Variants in PTPRD observed in about 807,000 individuals in gnomAD.
PTPRD encodes protein tyrosine phosphatase receptor type D.
A neutral mutation model predicts 214.5 loss-of-function variants in PTPRD; 34 were observed. The ratio of observed to expected loss-of-function variants is 0.16; its 90% CI spans 0.12 to 0.21. PTPRD has a LOEUF of 0.21. PTPRD is among the 10% of genes least tolerant of loss of function. PTPRD has a pLI of 1.00. For missense variants in PTPRD, 2,545 were observed against 2,398.7 expected (o/e 1.06, Z -1.27); for synonymous variants, 1,128 against 845.7 (o/e 1.33, Z -5.79).
At chr9:9,880,433 T>A (rs564964123) in intron 5 of PTPRD, among the ~76,000 whole-genome samples, 1 of 152,320 alleles carries the variant, frequency 6.6e-6, no homozygotes, top group South Asian at 2.1e-4. Flanking sequence ...ATTTACTTTT[T>A]TAGAATTTCA....
chr9:8,984,210 T>A (rs1216702507), intron 11 of PTPRD, among the ~76,000 whole-genome samples: 1 of 152,088 alleles, frequency 6.6e-6, no homozygotes, highest in Non-Finnish European at 1.5e-5. Context: ...ACAGTTTTTA[T>A]TAAAGTTAAA....
intron 8 of PTPRD, among the ~76,000 whole-genome samples, chr9:9,404,515 A>C (rs548087524): frequency 6.6e-6 from 1 of 152,096 alleles, no homozygotes; most frequent in African/African-American, 2.4e-5. Context: ...AGTGGATATT[A>C]GTGGTATTTA....
At chr9:10,114,087 T>C (rs1000072357) in intron 3 of PTPRD, among the ~76,000 whole-genome samples, 7 of 152,192 alleles carry the variant, frequency 4.6e-5, no homozygotes, top group Admixed American at 3.3e-4. Context: ...TCAGTCCCAC[T>C]TTCCATTGAC....
chr9:8,901,310 G>A (rs2098667237), intron 11 of PTPRD, among the ~76,000 whole-genome samples: 1 of 152,152 alleles, frequency 6.6e-6, no homozygotes, highest in Non-Finnish European at 1.5e-5. Context: ...AGTTCCAGAA[G>A]AGAAAGAAAC....
chr9:8,737,892 G>A (rs185074167), intron 11 of PTPRD, among the ~76,000 whole-genome samples: 127 of 152,168 alleles, frequency 8.3e-4, no homozygotes, highest in African/African-American at 2.5e-3. Flanking sequence ...CTTGTGATCC[G>A]CTCGCCTCGG....
intron 4 of PTPRD, among the ~76,000 whole-genome samples, chr9:9,947,310 T>C (rs186834924): frequency 0.026 from 1,974 of 76,138 alleles, 96 homozygotes; most frequent in African/African-American, 0.088. Context: ...ATATTTTATA[T>C]ATATATTATA....
intron 9 of PTPRD, among the ~76,000 whole-genome samples, chr9:9,364,718 T>G (rs1320170535): frequency 9.9e-5 from 15 of 151,454 alleles, no homozygotes; most frequent in Non-Finnish European, 3.0e-5. Context: ...CCCATTTATA[T>G]AAAGACCTTT....
intron 12 of PTPRD, among the ~76,000 whole-genome samples, chr9:8,670,010 T>C (rs2097250723): frequency 6.7e-6 from 1 of 149,540 alleles, no homozygotes; most frequent in African/African-American, 2.5e-5. Context: ...GGGTCGGTGT[T>C]TTCTGCCTCT....
intron 2 of PTPRD, among the ~76,000 whole-genome samples, chr9:10,503,660 A>G (rs191295115): frequency 6.6e-6 from 1 of 152,234 alleles, no homozygotes; most frequent in East Asian, 1.9e-4. Context: ...GAAAATAGAC[A>G]AAACTATCTT....
intron 9 of PTPRD, among the ~76,000 whole-genome samples, chr9:9,368,333 C>T (rs1348185819): frequency 2.0e-5 from 3 of 151,762 alleles, no homozygotes; most frequent in Non-Finnish European, 4.4e-5. Flanking sequence ...ATGAAATATA[C>T]TAGCATAAAT....
rs528403731 is a variant in PTPRD at position 10,062,279 on chromosome 9, T to A, written c.-544-28489A>T. Among the ~76,000 whole-genome samples the A allele has an allele frequency of 3.3e-5, 5 of 152,162 alleles. No individual in the cohort carries two copies. In the East Asian group the frequency reaches 9.7e-4, roughly 30 times the overall value. On this transcript the variant is annotated intron_variant, in intron 3 of 45. Transcript: ENST00000381196. ...AGTAATTGTATTCCACCAAGCACAA[T>A]CCATTAGCCTTTCTATGGAGCATTT...
intron 5 of PTPRD, among the ~76,000 whole-genome samples, chr9:9,896,551 A>C (rs547577672): frequency 1.3e-5 from 2 of 152,076 alleles, no homozygotes; most frequent in African/African-American, 4.8e-5. Context: ...AAAAATCTAC[A>C]ATGATTGGCA....
intron 27 of PTPRD, among the ~76,000 whole-genome samples, chr9:8,492,271 G>A (rs1033679598): frequency 1.3e-5 from 2 of 152,112 alleles, no homozygotes; most frequent in Non-Finnish European, 2.9e-5. Context: ...AAGGGGATTT[G>A]TTTTCCAGGG....
intron 7 of PTPRD, among the ~76,000 whole-genome samples, chr9:9,651,568 T>A (rs146084578): frequency 7.4e-4 from 113 of 152,242 alleles, no homozygotes; most frequent in African/African-American, 2.5e-3. Flanking sequence ...GCAAAGGACA[T>A]GATTGTGTTC....
chr9:10,325,236 A>G (rs1281973151), intron 3 of PTPRD, among the ~76,000 whole-genome samples: 1 of 152,020 alleles, frequency 6.6e-6, no homozygotes, highest in African/African-American at 2.4e-5. Flanking sequence ...ATTCCTGACA[A>G]GCACACAGGA....
chr9:9,737,574 C>T (rs2098322961), intron 6 of PTPRD, among the ~76,000 whole-genome samples: 1 of 152,104 alleles, frequency 6.6e-6, no homozygotes, highest in Non-Finnish European at 1.5e-5. Flanking sequence ...ATTCTGTACA[C>T]TTCATATAAA....
Position 8,905,156 on chromosome 9 carries a change from G to T in PTPRD, c.-104+113541C>A, listed in dbSNP as rs963720596. On this transcript the variant is annotated intron_variant, in intron 11 of 45. Coordinates refer to ENST00000381196, the MANE Select transcript of PTPRD (RefSeq NM_002839.4). Reference sequence around the variant, plus strand: ...GCTAAAAGTCAAGATGAAGCTAAAGGATTTATGTAACATGCAAATCAATCC... The same window carrying T: ...GCTAAAAGTCAAGATGAAGCTAAAGTATTTATGTAACATGCAAATCAATCC... Among the ~76,000 whole-genome samples, 9 of 152,236 alleles carry T rather than the reference G, an allele frequency of 5.9e-5. No homozygotes were observed. In the South Asian group the frequency reaches 1.2e-3, roughly 21 times the overall value.
intron 2 of PTPRD, among the ~76,000 whole-genome samples, chr9:10,408,463 A>C (rs1381305374): frequency 6.6e-6 from 1 of 151,690 alleles, no homozygotes; most frequent in African/African-American, 2.4e-5. Context: ...GAATCTCAGT[A>C]ACTTTCAATG....
intron 14 of PTPRD, among the ~76,000 whole-genome samples, chr9:8,579,530 T>C (rs955229633): frequency 3.9e-5 from 6 of 152,214 alleles, no homozygotes; most frequent in Middle Eastern, 3.4e-3. Context: ...TTTTAATAAG[T>C]CCTGGGCAAT....
Sources: allele counts gnomAD v4.1 joint callset (sites outside exome capture counted in the v4.1 genomes callset), GRCh38; gene constraint gnomAD v4.1.1; transcripts MANE v1.5; gene names NCBI Gene and HGNC (gene_info 2026-07-23, HGNC 2026-07-21).